The following RAB6A variants were observed in gnomAD, a reference collection of about 807,000 sequenced individuals.
RAB6A encodes the protein RAB6A, member RAS oncogene family.
RAB6A carries 8 observed loss-of-function variants against 32.3 expected under a neutral mutation model. The observed-to-expected ratio is 0.25, with a 90% confidence interval of 0.15 to 0.45. The LOEUF (loss-of-function observed/expected upper bound fraction) is 0.45, where lower values mean the gene tolerates loss of function less well. RAB6A is among the 20% of genes least tolerant of loss of function. The pLI is 1.00. For missense variants in RAB6A, 104 were observed against 249.4 expected (o/e 0.42, Z 3.93); for synonymous variants, 73 against 82.1 (o/e 0.89, Z 0.60).
At chr11:73,734,633 C>A (rs941263221) in intron 1 of RAB6A, among the ~76,000 whole-genome samples, 1 of 152,268 alleles carries the variant, frequency 6.6e-6, no homozygotes, top group South Asian at 2.1e-4. Context: ...TCATAAGGAG[C>A]ATGCAACCTA....
At chr11:73,756,475 A>C (rs1469649151) in intron 1 of RAB6A, among the ~76,000 whole-genome samples, 1 of 152,230 alleles carries the variant, frequency 6.6e-6, no homozygotes, top group Non-Finnish European at 1.5e-5. Context: ...AAAGTGAAAA[A>C]AACAGTAGTA....
chr11:73,732,821 T>C (rs1196699466), intron 1 of RAB6A, among the ~76,000 whole-genome samples: 2 of 151,832 alleles, frequency 1.3e-5, no homozygotes, highest in African/African-American at 4.8e-5. Flanking sequence ...GATTTTCTTT[T>C]TTTTCCCCCG....
intron 4 of RAB6A, among the ~76,000 whole-genome samples, chr11:73,717,659 G>A (rs1280103425): frequency 6.6e-6 from 1 of 152,138 alleles, no homozygotes; most frequent in African/African-American, 2.4e-5. Flanking sequence ...GGTCAGGCTG[G>A]TCTCAAACTC....
chr11:73,714,983 T>C (rs1946031894), intron 5 of RAB6A, among the ~76,000 whole-genome samples: 2 of 152,070 alleles, frequency 1.3e-5, no homozygotes, highest in Non-Finnish European at 2.9e-5. Context: ...GAAAAGTACC[T>C]ACAAAGTCTC....
At chr11:73,751,745 T>C (rs995524427) in intron 1 of RAB6A, among the ~76,000 whole-genome samples, 6 of 152,216 alleles carry the variant, frequency 3.9e-5, no homozygotes, top group African/African-American at 1.4e-4. Flanking sequence ...CTGTATGTTA[T>C]GACTTCAAAC....
chr11:73,739,287 ATATATAT>A (rs1565374167), intron 1 of RAB6A, among the ~76,000 whole-genome samples: 49 of 64,434 alleles, frequency 7.6e-4, no homozygotes, highest in African/African-American at 2.4e-3. Context: ...AAAAAAAAAT[ATATATAT>A]ATATATATAT....
At chr11:73,760,302 G>A (rs1946824339) in intron 1 of RAB6A, among the ~76,000 whole-genome samples, 1 of 152,160 alleles carries the variant, frequency 6.6e-6, no homozygotes, top group Non-Finnish European at 1.5e-5. Context: ...TGAGGTCTGG[G>A]GAGGGAGGGC....
chr11:73,706,892 C>T (rs547866373), intron 6 of RAB6A, among the ~76,000 whole-genome samples: 10 of 152,110 alleles, frequency 6.6e-5, no homozygotes, highest in East Asian at 3.9e-4. Flanking sequence ...CCAAGGCAGG[C>T]GGATCACCTG....
intron 5 of RAB6A, among the ~76,000 whole-genome samples, chr11:73,712,507 C>CGCCCGGCTAATTTTT (rs1368201577): frequency 2.6e-5 from 4 of 152,048 alleles, no homozygotes; most frequent in Non-Finnish European, 4.4e-5. Context: ...CATGCCACCA[C>CGCCCGGCTAATTTTT]GCCCGGCTAA....
chr11:73,701,712 G>C, intron 6 of RAB6A, among the ~76,000 whole-genome samples: 1 of 152,076 alleles, frequency 6.6e-6, no homozygotes, highest in East Asian at 1.9e-4. Flanking sequence ...GGAGTGCAGT[G>C]GTGTGATCTC....
rs200137762 is a variant in RAB6A, at chr11:73,677,017, ACT to A, written c.*879_*880del. ...TCTTATTTTTTAAACAAACAGAATAACTCTTGACAATTTTAAAACCTTGGGAG... is the reference window on the plus strand; with the variant it reads ...TCTTATTTTTTAAACAAACAGAATAACTTGACAATTTTAAAACCTTGGGAG... On this transcript the variant is annotated 3_prime_UTR_variant, in exon 8 of 8. Coordinates refer to ENST00000336083, the MANE Select transcript of RAB6A (RefSeq NM_198896.2). 0.018 allele frequency: 3,086 copies of A among 166,852 alleles called. 37 individuals are homozygous for A. Among genetic ancestry groups the A allele is most frequent in the Non-Finnish European group, 0.029 (1,991 of 68,096 alleles). 10.3% of individuals were successfully genotyped at this position (166,852 alleles called of 1,614,324 possible).
At position 73,739,304 on chromosome 11, in the gene RAB6A, T is replaced by TATATATATATATATATAA. The variant is rs375733945; in HGVS notation, c.71-8482_71-8481insTTATATATATATATATAT. 9.0e-3 allele frequency among the ~76,000 whole-genome samples: 284 copies of TATATATATATATATATAA among 31,612 alleles called. 16 individuals carry two copies. The highest frequency in any genetic ancestry group is 0.016 in the Non-Finnish European group (208 of 13,286). The allele number at this position is 31,612 out of a possible 152,430, so 20.7% of individuals were successfully genotyped here. On this transcript the variant is annotated intron_variant, in intron 1 of 7. Transcript: ENST00000336083. ...AAAAAAATATATATATATATATATATAAATACTGGAACACCAAAGATAACT... is the reference window on the plus strand; with the variant it reads ...AAAAAAATATATATATATATATATATATATATATATATATATAAAAATACTGGAACACCAAAGATAACT...
At chr11:73,714,650 A>G (rs976978193) in intron 5 of RAB6A, among the ~76,000 whole-genome samples, 1 of 151,184 alleles carries the variant, frequency 6.6e-6, no homozygotes, top group Non-Finnish European at 1.5e-5. Flanking sequence ...TGACAATGCG[A>G]GACTCCAACT....
At chr11:73,719,503 A>G (rs560238582) in intron 3 of RAB6A, among the ~76,000 whole-genome samples, 1 of 152,384 alleles carries the variant, frequency 6.6e-6, no homozygotes, top group Non-Finnish European at 1.5e-5. Flanking sequence ...ATCTTTTTGC[A>G]GCCCTACATA....
chr11:73,722,578 T>A (rs1946158865), intron 2 of RAB6A: 1 of 149,494 alleles, frequency 6.7e-6, no homozygotes, highest in South Asian at 2.1e-4. Context: ...CAAGAGATCT[T>A]CCCCACTTGG....
chr11:73,689,113 C>T (rs781328366), intron 6 of RAB6A, among the ~76,000 whole-genome samples: 1 of 145,850 alleles, frequency 6.9e-6, no homozygotes, highest in Non-Finnish European at 1.5e-5. Flanking sequence ...CAGAGGGAGA[C>T]CCTGTCTCAA....
intron 4 of RAB6A, among the ~76,000 whole-genome samples, chr11:73,718,134 C>T (rs906811428): frequency 4.6e-5 from 7 of 152,144 alleles, no homozygotes; most frequent in African/African-American, 1.4e-4. Context: ...GAAAACTGTA[C>T]ATTATGTTTT....
rs368808122 is a variant in RAB6A at position 73,745,791 on chromosome 11, C to T, written c.70+14775G>A. Among the ~76,000 whole-genome samples, 54 of 152,110 alleles carry T rather than the reference C, an allele frequency of 3.6e-4. No individual in the cohort carries two copies. In the South Asian group the frequency reaches 0.011, roughly 32 times the overall value. ...AAGTTGCAGTGAGCCAAGATCACTCCACTGGACTCCAGCCTGGGTGACAGA... is the reference window on the plus strand; with the variant it reads ...AAGTTGCAGTGAGCCAAGATCACTCTACTGGACTCCAGCCTGGGTGACAGA... On this transcript the variant is annotated intron_variant, in intron 1 of 7. Coordinates refer to ENST00000336083, the MANE Select transcript of RAB6A (RefSeq NM_198896.2).
chr11:73,712,595 C>A (rs1020169806), intron 5 of RAB6A, among the ~76,000 whole-genome samples: 1 of 152,120 alleles, frequency 6.6e-6, no homozygotes, highest in Non-Finnish European at 1.5e-5. Context: ...AGGTAATCCA[C>A]CTGCCTTGGC....
Sources: allele counts gnomAD v4.1 joint callset (sites outside exome capture counted in the v4.1 genomes callset), GRCh38; gene constraint gnomAD v4.1.1; transcripts MANE v1.5; gene names NCBI Gene and HGNC (gene_info 2026-07-23, HGNC 2026-07-21).